Variants in CD109 observed in about 807,000 individuals in gnomAD.
CD109 encodes CD109 antigen.
In CD109, 149 loss-of-function variants were observed where a neutral mutation model predicts 165.8. That is an observed-to-expected ratio of 0.90 (90% confidence interval 0.79 to 1.03). The LOEUF is 1.03. CD109 is among the 50% of genes least tolerant of loss of function. CD109 has a pLI of 0.00. For missense variants in CD109, 1,712 were observed against 1,677.8 expected (o/e 1.02, Z -0.36); for synonymous variants, 585 against 592.1 (o/e 0.99, Z 0.18).
At chr6:73,740,683 C>T (rs1225953906) in intron 5 of CD109, among the ~76,000 whole-genome samples, 1 of 149,822 alleles carries the variant, frequency 6.7e-6, no homozygotes, top group Non-Finnish European at 1.5e-5. Context: ...ACCTCCACAT[C>T]CCAGGTTCAA....
Position 73,730,428 on chromosome 6 carries a change from C to T in CD109, c.361C>T (p.Arg121Cys), listed in dbSNP as rs552504094. 136 of 1,613,434 alleles carry T rather than the reference C, an allele frequency of 8.4e-5. No homozygotes were observed. In the East Asian group the frequency reaches 2.6e-3, roughly 31 times the overall value. ...TGAGATTTTATTCTCTAATAGTACC[C>T]GCTTATCATTTGAGACCAAGAGAAT... ...QDEILFSNST[R>C]LSFETKRISV... Residue 121 changes from arginine to cysteine, a missense_variant, in exon 4 of 33, where the codon CGC becomes TGC. Arg to Cys is a radical substitution (Grantham distance 180). Transcript: ENST00000287097.
At chr6:73,771,403 T>C in intron 14 of CD109, 26 bp from the exon 15 acceptor site, 2 of 1,577,350 alleles carry the variant, frequency 1.3e-6, no homozygotes, top group Non-Finnish European at 1.7e-6. Context: ...GTGAAATAAG[T>C]TAATCCTCCT....
chr6:73,743,821 CT>C (rs1772879237), intron 5 of CD109, among the ~76,000 whole-genome samples: 1 of 152,194 alleles, frequency 6.6e-6, no homozygotes, highest in African/African-American at 2.4e-5. Context: ...TTTCACTAGT[CT>C]TTGCTTATAA....
chr6:73,807,347 T>C (rs1318158701), intron 25 of CD109, among the ~76,000 whole-genome samples: 2 of 152,238 alleles, frequency 1.3e-5, no homozygotes, highest in Non-Finnish European at 2.9e-5. Flanking sequence ...CAATACATGT[T>C]TTATCATTGA....
chr6:73,727,809 A>G (rs1281327654), intron 3 of CD109, among the ~76,000 whole-genome samples: 1 of 152,230 alleles, frequency 6.6e-6, no homozygotes, highest in Non-Finnish European at 1.5e-5. Context: ...GATGCCATTT[A>G]TAAGCATATA....
At chr6:73,693,111 T>A (rs1770716582), upstream of CD109, among the ~76,000 whole-genome samples, 2 of 151,864 alleles carry the variant, frequency 1.3e-5, no homozygotes, top group African/African-American at 4.8e-5. Flanking sequence ...TTTTGTCTGT[T>A]TTGTGTTGCT....
At chr6:73,788,994 AG>A (rs1222626122) in intron 22 of CD109, among the ~76,000 whole-genome samples, 2 of 152,232 alleles carry the variant, frequency 1.3e-5, no homozygotes, top group East Asian at 1.9e-4. Flanking sequence ...TCCTAAGAGC[AG>A]AGCTTCTGGC....
At chr6:73,736,919 T>C (rs746384409) in intron 5 of CD109, among the ~76,000 whole-genome samples, 1 of 152,232 alleles carries the variant, frequency 6.6e-6, no homozygotes, top group African/African-American at 2.4e-5. Flanking sequence ...AACAGTGACT[T>C]AAATAGCTAC....
In CD109 at chr6:73,788,487, C is replaced by A. The variant is rs1226538476; in HGVS notation, c.2576C>A (p.Ser859Ter). Residue 859 changes from serine (S) to a stop codon, truncating the protein, a stop_gained, in exon 22 of 33, where the codon TCA (serine) becomes TAA (stop). Coordinates refer to ENST00000287097, the MANE Select transcript of CD109 (RefSeq NM_133493.5). LOFTEE classifies it high-confidence loss of function. ...CAACAGGCTGAAGGAATAGAAAAATCATATTCACAATCCATCTTATTAGAC... is the reference window on the plus strand; with the variant it reads ...CAACAGGCTGAAGGAATAGAAAAATAATATTCACAATCCATCTTATTAGAC... ...ILVKAEGIEK[S>*]YSQSILLDLT... 2 of 1,609,746 alleles carry A rather than the reference C, an allele frequency of 1.2e-6. No individual in the cohort carries two copies. Among genetic ancestry groups the A allele is most frequent in the Admixed American group, 3.4e-5 (2 of 58,610 alleles).
intron 2 of CD109, among the ~76,000 whole-genome samples, chr6:73,720,087 C>T (rs988285207): frequency 2.6e-5 from 4 of 152,056 alleles, no homozygotes; most frequent in South Asian, 4.1e-4. Context: ...GATATGGAAT[C>T]GATGTCAGTG....
Position 73,696,206 on chromosome 6 carries a change from C to T in CD109, c.-10C>T, listed in dbSNP as rs375627612. On this transcript the variant is annotated 5_prime_UTR_variant, in exon 1 of 33. In the 5' UTR this introduces an upstream ATG that the reference lacks. Transcript: ENST00000287097. ...GGCAGCGGACTGTAGCCCAGGCAGA[C>T]GCCGTCGAGATGCAGGGCCCACCGC... 1 of 1,545,526 alleles carries T rather than the reference C, an allele frequency of 6.5e-7. No individual in the cohort carries two copies.
intron 23 of CD109, among the ~76,000 whole-genome samples, chr6:73,800,966 T>A (rs1403957675): frequency 1.3e-5 from 2 of 152,172 alleles, no homozygotes; most frequent in Admixed American, 1.3e-4. Context: ...TTAAAAACTT[T>A]AAAAAAATAG....
chr6:73,780,536 T>C, intron 16 of CD109, 38 bp downstream of exon 16: 1 of 1,329,380 alleles, frequency 7.5e-7, no homozygotes, highest in Non-Finnish European at 1.1e-6. Flanking sequence ...ATATTAATAT[T>C]TTTTACTATT....
chr6:73,755,847 G>T (rs1041621470), intron 5 of CD109, among the ~76,000 whole-genome samples: 3 of 152,030 alleles, frequency 2.0e-5, no homozygotes, highest in Non-Finnish European at 4.4e-5. Context: ...TGTGGTCCCA[G>T]CTAGTTGGTG....
At position 73,823,521 on chromosome 6, in the gene CD109, A is replaced by C; in HGVS notation, c.4226A>C (p.Asp1409Ala). 1 of 1,613,984 alleles carries C rather than the reference A, an allele frequency of 6.2e-7. No individual in the cohort carries two copies. The highest frequency in any genetic ancestry group is 8.5e-7 in the Non-Finnish European group (1 of 1,179,934). The change falls in exon 33 of 33, where the codon GAT (aspartate) becomes GCT (alanine). Residue 1409 changes from aspartate (D) to alanine (A), a missense_variant. Coordinates refer to ENST00000287097, the MANE Select transcript of CD109 (RefSeq NM_133493.5). ...CTGTCCTCCTGTGACCTTTGCAGTGATGTCCAGGGCTGCCGTCCTTGTGAG... is the reference window on the plus strand; with the variant it reads ...CTGTCCTCCTGTGACCTTTGCAGTGCTGTCCAGGGCTGCCGTCCTTGTGAG... Reference protein sequence around the residue: ...VKLSSCDLCSDVQGCRPCEDG... With the variant: ...VKLSSCDLCSAVQGCRPCEDG...
chr6:73,742,398 C>T (rs550984975), intron 5 of CD109, among the ~76,000 whole-genome samples: 13 of 152,214 alleles, frequency 8.5e-5, no homozygotes, highest in Admixed American at 4.6e-4. Flanking sequence ...CATTTGGTTG[C>T]GAATGTTTTT....
At chr6:73,684,528 GTCT>G in the CD109 span, among the ~76,000 whole-genome samples, 7 of 151,512 alleles carry the variant, frequency 4.6e-5, no homozygotes, top group Admixed American at 2.6e-4. Context: ...GCCAACTTTT[GTCT>G]TTTTTTGATG....
At chr6:73,696,615 G>C (rs1286202436) in intron 1 of CD109, among the ~76,000 whole-genome samples, 1 of 152,184 alleles carries the variant, frequency 6.6e-6, no homozygotes, top group Non-Finnish European at 1.5e-5. Context: ...CCCAGATTGC[G>C]ATTCTTCTCT....
chr6:73,717,793 G>A (rs975324426), intron 2 of CD109, among the ~76,000 whole-genome samples: 2 of 151,266 alleles, frequency 1.3e-5, no homozygotes, highest in Non-Finnish European at 3.0e-5. Context: ...CTAATTTTTT[G>A]TATTTTTAGT....
Sources: gnomAD v4.1 joint callset for allele counts (sites outside exome capture counted in the v4.1 genomes callset) on GRCh38, gnomAD v4.1.1 for gene constraint, MANE v1.5 for transcripts, NCBI Gene and HGNC (gene_info 2026-07-23, HGNC 2026-07-21) for gene names.